ZHX2: variants seen among roughly 807,000 people sequenced by gnomAD.
The protein encoded by ZHX2 is zinc fingers and homeoboxes 2.
In ZHX2, 6 loss-of-function variants were observed where a neutral mutation model predicts 21.9. The ratio of observed to expected loss-of-function variants is 0.27; its 90% CI spans 0.15 to 0.54. ZHX2 has a LOEUF of 0.54. Among genes scored for constraint, ZHX2 ranks in the 20% least tolerant of loss-of-function variants. ZHX2 has a pLI of 0.95. For missense variants in ZHX2, 908 were observed against 1,090.7 expected, an observed-to-expected ratio of 0.83 and a Z score of 2.36; for synonymous variants, 434 against 437.1, an observed-to-expected ratio of 0.99 and a Z score of 0.09.
intron 1 of ZHX2, among the ~76,000 whole-genome samples, chr8:122,856,604 T>C (rs16897554): frequency 0.015 from 2,308 of 152,240 alleles, 50 homozygotes; most frequent in African/African-American, 0.053. Context: ...ATCAAAGGTG[T>C]ATTCATCTCT....
chr8:122,901,362 C>T (rs1420189265), intron 2 of ZHX2, among the ~76,000 whole-genome samples: 2 of 152,182 alleles, frequency 1.3e-5, no homozygotes, highest in African/African-American at 2.4e-5. Context: ...CTCCTACTCT[C>T]CCCAAGAGAA....
At chr8:122,812,716 A>G (rs1817955508) in intron 1 of ZHX2, among the ~76,000 whole-genome samples, 1 of 152,212 alleles carries the variant, frequency 6.6e-6, no homozygotes, top group African/African-American at 2.4e-5. Flanking sequence ...AACCTGAGAA[A>G]GGCTAACACA....
intron 2 of ZHX2, among the ~76,000 whole-genome samples, chr8:122,870,603 C>G (rs996685873): frequency 2.2e-5 from 3 of 139,260 alleles, no homozygotes; most frequent in African/African-American, 7.9e-5. Context: ...CGTACCACTG[C>G]ACTCCAGCCT....
intron 1 of ZHX2, among the ~76,000 whole-genome samples, chr8:122,848,299 T>A (rs1283602330): frequency 6.6e-6 from 1 of 152,120 alleles, no homozygotes; most frequent in Non-Finnish European, 1.5e-5. Context: ...CCACAACACC[T>A]CTTTTCAGTT....
chr8:122,974,498 A>C lies in ZHX2; in HGVS notation c.*1261A>C, dbSNP rs1313075365. ...TTGTAACTCAATAAAGCAAAGACTA[A>C]ACATTTTTATAACCTTTTCCTCTAC... On this transcript the variant is annotated 3_prime_UTR_variant, in exon 4 of 4. Coordinates refer to ENST00000314393, the MANE Select transcript of ZHX2 (RefSeq NM_014943.5). 6.6e-6 allele frequency: 1 copy of C among 152,030 alleles called. No homozygotes were observed. Among genetic ancestry groups the C allele is most frequent in the Non-Finnish European group, 1.5e-5 (1 of 68,004 alleles). The allele number at this position is 152,030 out of a possible 1,614,324, so 9.4% of individuals were successfully genotyped here.
intron 1 of ZHX2, among the ~76,000 whole-genome samples, chr8:122,792,136 T>C (rs4871306): frequency 0.21 from 31,981 of 152,048 alleles, 3,546 homozygotes; most frequent in East Asian, 0.32. Flanking sequence ...CATTCCCTTC[T>C]TCCACTCCCC....
intron 1 of ZHX2, among the ~76,000 whole-genome samples, chr8:122,803,179 C>T (rs1817753963): frequency 6.6e-6 from 1 of 152,140 alleles, no homozygotes. Context: ...CCAGATTTCT[C>T]CCTCCCTCTC....
chr8:122,806,979 G>A (rs920296249), intron 1 of ZHX2, among the ~76,000 whole-genome samples: 7 of 152,172 alleles, frequency 4.6e-5, no homozygotes, highest in African/African-American at 9.7e-5. Context: ...ATGCCAGTTC[G>A]TCCCACTGGT....
At chr8:122,878,393 G>A (rs1371480606) in intron 2 of ZHX2, among the ~76,000 whole-genome samples, 3 of 152,166 alleles carry the variant, frequency 2.0e-5, no homozygotes, top group Admixed American at 1.3e-4. Context: ...CAGTGAGGGG[G>A]TCCTGCTAAT....
At chr8:122,875,681 TATGAGCCCCCTTTTACAC>T (rs1819555741) in intron 2 of ZHX2, among the ~76,000 whole-genome samples, 1 of 152,270 alleles carries the variant, frequency 6.6e-6, no homozygotes, top group Non-Finnish European at 1.5e-5. Flanking sequence ...TAAGCATGAC[TATGAGCCCCCTTTTACAC>T]ATGTGGAAAC....
At chr8:122,892,944 A>G (rs898436536) in intron 2 of ZHX2, among the ~76,000 whole-genome samples, 1 of 152,230 alleles carries the variant, frequency 6.6e-6, no homozygotes, top group Non-Finnish European at 1.5e-5. Context: ...TTAGTCTCCC[A>G]AAGTGCTGGG....
chr8:122,888,951 ATGAAC>A (rs1029762323), intron 2 of ZHX2, among the ~76,000 whole-genome samples: 5 of 152,164 alleles, frequency 3.3e-5, no homozygotes, highest in African/African-American at 4.8e-5. Context: ...CTTGTATGAG[ATGAAC>A]TTTATTAGCT....
In ZHX2 at chr8:122,805,011, G is replaced by T. The variant is rs147230052; in HGVS notation, c.-283+23065G>T. 2.1e-4 allele frequency among the ~76,000 whole-genome samples: 32 copies of T among 152,302 alleles called. 1 individual carries two copies. In the East Asian group the frequency reaches 5.4e-3, roughly 26 times the overall value. On this transcript the variant is annotated intron_variant, in intron 1 of 3. Transcript: ENST00000314393. Reference sequence around the variant, plus strand: ...CAGTGTGTGTTCCTGCCCCTGGAAGGTTACCTCTGAAGTCCCTTCATCTAA... The same window carrying T: ...CAGTGTGTGTTCCTGCCCCTGGAAGTTTACCTCTGAAGTCCCTTCATCTAA...
At chr8:122,870,631 T>C (rs1819407253) in intron 2 of ZHX2, among the ~76,000 whole-genome samples, 1 of 96,204 alleles carries the variant, frequency 1.0e-5, no homozygotes, top group Non-Finnish European at 1.9e-5. Context: ...AGAGCAAGTC[T>C]CTGTCTCAAA....
At chr8:122,900,105 C>T (rs142775324) in intron 2 of ZHX2, among the ~76,000 whole-genome samples, 102 of 152,298 alleles carry the variant, frequency 6.7e-4, no homozygotes, top group Non-Finnish European at 9.0e-4. Flanking sequence ...ATAGGGCACT[C>T]TGGGAACAGG....
intron 2 of ZHX2, among the ~76,000 whole-genome samples, chr8:122,899,564 A>G (rs1820178061): frequency 6.6e-6 from 1 of 152,136 alleles, no homozygotes; most frequent in South Asian, 2.1e-4. Flanking sequence ...TGATGGCTAC[A>G]CTCAATACAC....
rs763906432 is a variant in ZHX2, at chr8:122,952,769, G to A, written c.1259G>A (p.Arg420His). ...CCCCAAGCTGCCCCCGAACCCAAGC[G>A]TCCACACATCGCTCAGGTGCCAGAG... The part of the protein sequence containing the change: ...VTPQAAPEPK[R>H]PHIAQVPEPP... Residue 420 changes from arginine (R) to histidine (H), a missense_variant, in exon 3 of 4, where the codon CGT becomes CAT. Arg to His is a conservative substitution (Grantham distance 29, BLOSUM62 0). Around this residue, in one of 4 missense-constraint regions of ZHX2, gnomAD observed 232 missense variants for 361.8 expected, o/e 0.64. Transcript: ENST00000314393. The surrounding 1 kb of genome is among the most constrained non-coding windows in gnomAD (Gnocchi z 6.9). The A allele has an allele frequency of 7.4e-6, 12 of 1,613,850 alleles. No individual in the cohort carries two copies. The highest frequency in any genetic ancestry group is 2.2e-5 in the East Asian group (1 of 44,856).
At chr8:122,844,955 G>T (rs540056996) in intron 1 of ZHX2, among the ~76,000 whole-genome samples, 1 of 152,310 alleles carries the variant, frequency 6.6e-6, no homozygotes, top group South Asian at 2.1e-4. Context: ...GTGGGGCTTG[G>T]TGGCCTTACA....
chr8:122,824,469 G>A (rs1037238022), intron 1 of ZHX2, among the ~76,000 whole-genome samples: 18 of 152,164 alleles, frequency 1.2e-4, no homozygotes, highest in African/African-American at 4.1e-4. Flanking sequence ...GCTCGGGGAC[G>A]TGCTGTTCTC....
Sources: gnomAD v4.1 joint callset for allele counts (sites outside exome capture counted in the v4.1 genomes callset) on GRCh38, gnomAD v4.1.1 for gene constraint, gnomAD v4.1.1 regional missense constraint, Gnocchi (gnomAD v3.1) non-coding constraint, MANE v1.5 for transcripts, NCBI Gene and HGNC (gene_info 2026-07-23, HGNC 2026-07-21) for gene names.